Variants in MARCHF1 observed in about 807,000 individuals in gnomAD.
MARCHF1 encodes membrane associated ring-CH-type finger 1, also known as E3 ubiquitin-protein ligase MARCHF1.
In MARCHF1, 40 loss-of-function variants were observed where a neutral mutation model predicts 54.2. That is an observed-to-expected ratio of 0.74 (90% confidence interval 0.57 to 0.96). The LOEUF is 0.96. Among genes scored for constraint, MARCHF1 ranks in the 40% least tolerant of loss-of-function variants. MARCHF1 has a pLI of 0.00. For missense variants in MARCHF1, 586 were observed against 656.5 expected, an observed-to-expected ratio of 0.89 and a Z score of 1.17; for synonymous variants, 236 against 236.3, an observed-to-expected ratio of 1.00 and a Z score of 0.01.
intron 3 of MARCHF1, among the ~76,000 whole-genome samples, chr4:163,924,998 C>T (rs13138621): frequency 0.96 from 146,075 of 151,852 alleles, 70,516 homozygotes; most frequent in East Asian, 1. Context: ...AACTGCAGAA[C>T]CTGTAGTTTA....
chr4:164,015,991 G>A (rs898307601), intron 2 of MARCHF1, among the ~76,000 whole-genome samples: 4 of 151,414 alleles, frequency 2.6e-5, no homozygotes, highest in African/African-American at 7.3e-5. Flanking sequence ...TCAATATATC[G>A]AAAATATATT....
At chr4:164,137,082 C>G (rs969365316) in intron 1 of MARCHF1, among the ~76,000 whole-genome samples, 6 of 152,194 alleles carry the variant, frequency 3.9e-5, no homozygotes, top group African/African-American at 1.2e-4. Context: ...GGGAAAAAAC[C>G]AGTATTTTGA....
intron 4 of MARCHF1, among the ~76,000 whole-genome samples, chr4:163,825,030 T>C (rs1748808780): frequency 6.6e-6 from 1 of 151,900 alleles, no homozygotes; most frequent in Non-Finnish European, 1.5e-5. Context: ...GGAACACTTT[T>C]ACACTGTTGG....
At chr4:164,220,667 C>CA (rs1553992960) in intron 1 of MARCHF1, among the ~76,000 whole-genome samples, 2 of 134,322 alleles carry the variant, frequency 1.5e-5, no homozygotes, top group African/African-American at 5.8e-5. Context: ...AATATATATG[C>CA]TATATGTATA....
intron 9 of MARCHF1, among the ~76,000 whole-genome samples, chr4:163,544,093 T>C (rs994808887): frequency 1.3e-5 from 2 of 152,202 alleles, no homozygotes; most frequent in African/African-American, 4.8e-5. Context: ...TTTTTGTTTT[T>C]CCATCCATAT....
chr4:164,035,362 T>A (rs1435249124), intron 2 of MARCHF1, among the ~76,000 whole-genome samples: 2 of 151,768 alleles, frequency 1.3e-5, no homozygotes, highest in Non-Finnish European at 2.9e-5. Flanking sequence ...ATGTTTTTCA[T>A]AAATAAAATT....
intron 5 of MARCHF1, among the ~76,000 whole-genome samples, chr4:163,649,176 G>T (rs943884887): frequency 6.6e-6 from 1 of 151,864 alleles, no homozygotes; most frequent in Admixed American, 6.6e-5. Context: ...AGCACAATAT[G>T]CTCCATTAGA....
intron 1 of MARCHF1, among the ~76,000 whole-genome samples, chr4:164,309,581 A>T (rs1734793036): frequency 2.6e-5 from 4 of 152,308 alleles, no homozygotes; most frequent in Admixed American, 2.6e-4. Flanking sequence ...TTAATCACTG[A>T]AAGATGACTT....
chr4:163,977,819 A>G (rs1029182401), intron 3 of MARCHF1, among the ~76,000 whole-genome samples: 2 of 152,222 alleles, frequency 1.3e-5, no homozygotes, highest in Non-Finnish European at 2.9e-5. Flanking sequence ...ATAATCCTAT[A>G]AATATAAACT....
At chr4:164,242,114 G>A (rs538363807) in intron 1 of MARCHF1, among the ~76,000 whole-genome samples, 2 of 152,068 alleles carry the variant, frequency 1.3e-5, no homozygotes, top group African/African-American at 4.8e-5. Flanking sequence ...CTCGAACTGG[G>A]TGGAGCCCAC....
At chr4:164,212,296 C>T (rs542988991) in intron 1 of MARCHF1, among the ~76,000 whole-genome samples, 1 of 152,062 alleles carries the variant, frequency 6.6e-6, no homozygotes, top group East Asian at 1.9e-4. Flanking sequence ...CATTATTTTC[C>T]CCATTTTTCA....
chr4:164,080,032 T>A (rs1226564650), intron 2 of MARCHF1, among the ~76,000 whole-genome samples: 1 of 152,096 alleles, frequency 6.6e-6, no homozygotes, highest in African/African-American at 2.4e-5. Flanking sequence ...TAGAATACAA[T>A]TAAATTGACA....
In MARCHF1 at chr4:163,789,125, C is replaced by T. The variant is rs143304221; in HGVS notation, c.111+64896G>A. On this transcript the variant is annotated intron_variant, in intron 4 of 9. Coordinates refer to ENST00000514618, the MANE Select transcript of MARCHF1 (RefSeq NM_001394959.1). ...TTTTTCATTTATGTATGTATTTAAA[C>T]ATTTATTAGTCTCTATAGATTTGTG... Among the ~76,000 whole-genome samples the T allele has an allele frequency of 1.2e-4, 18 of 152,010 alleles. No individual in the cohort carries two copies. In the East Asian group the frequency reaches 2.7e-3, roughly 23 times the overall value.
intron 1 of MARCHF1, among the ~76,000 whole-genome samples, chr4:164,227,443 CAAA>C (rs2111169017): frequency 6.6e-6 from 1 of 152,188 alleles, no homozygotes; most frequent in African/African-American, 2.4e-5. Flanking sequence ...CAAACCATAT[CAAA>C]GGCCATGACA....
chr4:164,346,473 C>T (rs954011831), intron 1 of MARCHF1, among the ~76,000 whole-genome samples: 1 of 151,858 alleles, frequency 6.6e-6, no homozygotes, highest in African/African-American at 2.4e-5. Context: ...TTAAAGAATA[C>T]ATCACAATTG....
chr4:163,553,286 C>T (rs1482148779), intron 8 of MARCHF1, among the ~76,000 whole-genome samples: 1 of 152,206 alleles, frequency 6.6e-6, no homozygotes, highest in Non-Finnish European at 1.5e-5. Flanking sequence ...TTGGAGCTTG[C>T]AGCACCGCAT....
At chr4:163,806,652 T>C (rs1305147211) in intron 4 of MARCHF1, among the ~76,000 whole-genome samples, 2 of 152,040 alleles carry the variant, frequency 1.3e-5, no homozygotes, top group African/African-American at 4.8e-5. Context: ...GAATGGCTGG[T>C]CACCACTTCC....
chr4:164,216,217 C>A (rs2111134190), intron 1 of MARCHF1, among the ~76,000 whole-genome samples: 1 of 152,300 alleles, frequency 6.6e-6, no homozygotes, highest in East Asian at 1.9e-4. Context: ...TATTTGCCCT[C>A]AACCTTTATC....
intron 1 of MARCHF1, among the ~76,000 whole-genome samples, chr4:164,301,085 C>T (rs540729243): frequency 3.3e-5 from 5 of 152,110 alleles, no homozygotes; most frequent in African/African-American, 9.6e-5. Flanking sequence ...AAGATAACAC[C>T]AGATCTTAAA....
Sources: gnomAD v4.1 joint callset for allele counts (sites outside exome capture counted in the v4.1 genomes callset) on GRCh38, gnomAD v4.1.1 for gene constraint, MANE v1.5 for transcripts, NCBI Gene and HGNC (gene_info 2026-07-23, HGNC 2026-07-21) for gene names.